RFPL4B: variants seen among roughly 807,000 people sequenced by gnomAD.
RFPL4B encodes the protein ret finger protein like 4B, also known as ret finger protein-like 4B.
For synonymous variants in RFPL4B, 118 were observed against 126.3 expected, an observed-to-expected ratio of 0.93 and a Z score of 0.44; for missense variants, 314 against 327.7, an observed-to-expected ratio of 0.96 and a Z score of 0.32.
chr6:112,348,856 A>T (rs1468414172), intron 1 of RFPL4B, among the ~76,000 whole-genome samples: 2 of 152,214 alleles, frequency 1.3e-5, no homozygotes, highest in Admixed American at 1.3e-4. Context: ...ACAGGAGGGC[A>T]TCTTCCTTGT....
chr6:112,348,026 C>CT (rs902595493), intron 1 of RFPL4B, among the ~76,000 whole-genome samples: 52 of 152,004 alleles, frequency 3.4e-4, no homozygotes, highest in African/African-American at 9.6e-4. Flanking sequence ...TACTTGGCCA[C>CT]TTTTAGTAGT....
At chr6:112,348,488 C>G (rs1466716817) in intron 1 of RFPL4B, among the ~76,000 whole-genome samples, 1 of 152,202 alleles carries the variant, frequency 6.6e-6, no homozygotes, top group Non-Finnish European at 1.5e-5. Context: ...GTAACTCAGT[C>G]TTAGGCTGGC....
chr6:112,348,700 C>G (rs1009166941), intron 1 of RFPL4B, among the ~76,000 whole-genome samples: 1 of 152,172 alleles, frequency 6.6e-6, no homozygotes, highest in Non-Finnish European at 1.5e-5. Context: ...TCCAGCTTTG[C>G]GAGGCTGTCT....
rs1211318431 is a variant in RFPL4B at position 112,350,234 on chromosome 6, C to T, written c.526C>T (p.Pro176Ser). The T allele has an allele frequency of 6.2e-7, 1 of 1,614,174 alleles. No individual in the cohort carries two copies. The highest frequency in any genetic ancestry group is 1.7e-5 in the Admixed American group (1 of 60,022). The change falls in exon 3 of 3, where the codon CCT becomes TCT. Residue 176 changes from proline to serine, a missense_variant. Pro to Ser is a moderately conservative substitution (Grantham distance 74, BLOSUM62 -1). Transcript: ENST00000441065. The part of the protein sequence containing the change: ...PADRKSNDLF[P>S]EHGFWISMKA... ...TGACAGAAAGAGCAATGATTTATTC[C>T]CTGAGCATGGCTTCTGGATCAGCAT...
chr6:112,350,536 G>A lies in RFPL4B; in HGVS notation c.*36G>A, dbSNP rs766658762. The A allele has an allele frequency of 1.3e-6, 2 of 1,516,624 alleles. No individual in the cohort carries two copies. The highest frequency in any genetic ancestry group is 1.8e-6 in the Non-Finnish European group (2 of 1,128,952). The allele number at this position is 1,516,624 out of a possible 1,614,324, so 93.9% of individuals were successfully genotyped here. A position where few individuals can be genotyped will look rare whatever the true frequency, so the allele number is the denominator to read the frequency against. ...CCTTCCTAGAAGCTTTCTGAGAGGT[G>A]AAAGAGAATTTTGGCCTGAGAAAGG... On this transcript the variant is annotated 3_prime_UTR_variant, in exon 3 of 3. Coordinates refer to ENST00000441065, the MANE Select transcript of RFPL4B (RefSeq NM_001013734.3).
At position 112,351,131 on chromosome 6, in the gene RFPL4B, G is replaced by A. The variant is rs1789149751; in HGVS notation, c.*631G>A. ...TGTTAATGGTGATTCATATTCTTATGGGAAGTGTCATTTACCCATCTCAAT... is the reference window on the plus strand; with the variant it reads ...TGTTAATGGTGATTCATATTCTTATAGGAAGTGTCATTTACCCATCTCAAT... On this transcript the variant is annotated 3_prime_UTR_variant, in exon 3 of 3. Transcript: ENST00000441065. 1 of 166,992 alleles carries A rather than the reference G, an allele frequency of 6.0e-6. No homozygotes were observed. The highest frequency in any genetic ancestry group is 2.1e-4 in the South Asian group (1 of 4,828). 10.3% of individuals were successfully genotyped at this position (166,992 alleles called of 1,614,324 possible). A position where few individuals can be genotyped will look rare whatever the true frequency, so the allele number is the denominator to read the frequency against.
chr6:112,349,486 T>C (rs542989987), intron 2 of RFPL4B, 118 bp from the exon 3 acceptor site: 24 of 167,340 alleles, frequency 1.4e-4, no homozygotes, highest in Admixed American at 2.5e-4. Flanking sequence ...AAATATTATT[T>C]TTTTGTTATT....
At chr6:112,348,876 C>CT (rs1396122187) in intron 1 of RFPL4B, among the ~76,000 whole-genome samples, 1 of 152,162 alleles carries the variant, frequency 6.6e-6, no homozygotes, top group African/African-American at 2.4e-5. Flanking sequence ...TCTGGAACAT[C>CT]TTTTTGGTTT....
chr6:112,349,730 GAGTTGTCCTGTCC>G lies in RFPL4B; in HGVS notation c.27_39del (p.Leu9PhefsTer28). On this transcript the variant is annotated frameshift_variant, in exon 3 of 3. Coordinates refer to ENST00000441065, the MANE Select transcript of RFPL4B (RefSeq NM_001013734.3). LOFTEE classifies it low-confidence loss of function (END_TRUNC). ...AACCATGGCCAAACGCCTGCAAGCA[GAGTTGTCCTGTCC>G]AGTTTGCCTGGATTTTTTCTCCTGT... 6.2e-7 allele frequency: 1 copy of G among 1,614,046 alleles called. No individual in the cohort carries two copies.
rs1562146801 is a variant in RFPL4B at position 112,350,372 on chromosome 6, G to GAT, written c.665_666dup (p.Val223MetfsTer38). 12 of 1,614,164 alleles carry GAT rather than the reference G, an allele frequency of 7.4e-6. No homozygotes were observed. The highest frequency in any genetic ancestry group is 1.0e-5 in the Non-Finnish European group (12 of 1,180,032). On this transcript the variant is annotated frameshift_variant, in exon 3 of 3. Coordinates refer to ENST00000441065, the MANE Select transcript of RFPL4B (RefSeq NM_001013734.3). LOFTEE classifies it low-confidence loss of function (END_TRUNC). ...TGACTTAGAAGAAATCCAGTTTTTT[G>GAT]ATGTTGACAATAATGTCCTCATCTA...
chr6:112,350,016 C>A lies in RFPL4B; in HGVS notation c.308C>A (p.Thr103Asn), dbSNP rs1789132443. The stretch of plus-strand genomic sequence containing the variant: ...GAGGATGTGACCCTGGATGCAGCCA[C>A]TGCCAGCTCCCTCCTTGTCTTCTCC... ...FREDVTLDAA[T>N]ASSLLVFSND... The change falls in exon 3 of 3, where the codon ACT becomes AAT. Residue 103 changes from threonine (T) to asparagine (N), a missense_variant. By Grantham distance (65) the Thr-to-Asn change is moderately conservative (BLOSUM62 0). Transcript: ENST00000441065. The A allele has an allele frequency of 6.2e-7, 1 of 1,614,210 alleles. No homozygotes were observed. The highest frequency in any genetic ancestry group is 8.5e-7 in the Non-Finnish European group (1 of 1,180,034).
chr6:112,349,928 A>G lies in RFPL4B; in HGVS notation c.220A>G (p.Lys74Glu), dbSNP rs1789130069. Residue 74 changes from lysine (K) to glutamate (E), a missense_variant, in exon 3 of 3, where the codon AAG (lysine) becomes GAG (glutamate). Physicochemically the swap from Lys to Glu is moderately conservative, Grantham distance 56. Coordinates refer to ENST00000441065, the MANE Select transcript of RFPL4B (RefSeq NM_001013734.3). ...AGTGAGCGTCCTAACACTTATGACC[A>G]AGCAGCACAATAGCCGACTTGAGCA... ...WQVSVLTLMT[K>E]QHNSRLEQSL... 3 of 1,614,112 alleles carry G rather than the reference A, an allele frequency of 1.9e-6. No individual in the cohort carries two copies. The highest frequency in any genetic ancestry group is 2.5e-6 in the Non-Finnish European group (3 of 1,180,052).
At position 112,349,811 on chromosome 6, in the gene RFPL4B, A is replaced by G. The variant is rs774301960; in HGVS notation, c.103A>G (p.Ile35Val). ...SCTHVFCFDC[I>V]QRYILENHDF... is the part of the protein sequence containing the mutation. ...TACACACGTGTTCTGCTTTGATTGCATCCAGAGGTATATACTAGAAAACCA... is the reference window on the plus strand; with the variant it reads ...TACACACGTGTTCTGCTTTGATTGCGTCCAGAGGTATATACTAGAAAACCA... The change falls in exon 3 of 3, where the codon ATC (isoleucine) becomes GTC (valine). Residue 35 changes from isoleucine to valine, a missense_variant. Ile to Val is a conservative substitution (Grantham distance 29). Transcript: ENST00000441065. 1.9e-6 allele frequency: 3 copies of G among 1,614,070 alleles called. No individual in the cohort carries two copies. The highest frequency in any genetic ancestry group is 1.7e-6 in the Non-Finnish European group (2 of 1,180,002).
Position 112,350,622 on chromosome 6 carries a change from T to C in RFPL4B, c.*122T>C. ...GCAAAGACTTGGTAAATTTTTAAAG[T>C]AGATTTTGTAGACTTTGTAGCAAAA... On this transcript the variant is annotated 3_prime_UTR_variant, in exon 3 of 3. Transcript: ENST00000441065. 1.3e-6 allele frequency: 1 copy of C among 770,306 alleles called. No homozygotes were observed. The highest frequency in any genetic ancestry group is 2.0e-6 in the Non-Finnish European group (1 of 499,240). The allele number at this position is 770,306 out of a possible 1,614,324, so 47.7% of individuals were successfully genotyped here.
Position 112,349,738 on chromosome 6 carries a change from C to G in RFPL4B, c.30C>G (p.Ser10=). 6.2e-7 allele frequency: 1 copy of G among 1,614,092 alleles called. No individual in the cohort carries two copies. The highest frequency in any genetic ancestry group is 8.5e-7 in the Non-Finnish European group (1 of 1,180,006). Residue 10 remains serine, a synonymous_variant, in exon 3 of 3, where the codon TCC becomes TCG. Transcript: ENST00000441065. MAKRLQAEL[S]CPVCLDFFSC... is the part of the protein sequence containing the mutation. ...CCAAACGCCTGCAAGCAGAGTTGTC[C>G]TGTCCAGTTTGCCTGGATTTTTTCT...
At position 112,350,651 on chromosome 6, in the gene RFPL4B, T is replaced by C; in HGVS notation, c.*151T>C. Reference sequence around the variant, plus strand: ...TTTTGTAGACTTTGTAGCAAAACAATTTTCGGATTTTTGGGGTAAATTTTG... The same window carrying C: ...TTTTGTAGACTTTGTAGCAAAACAACTTTCGGATTTTTGGGGTAAATTTTG... On this transcript the variant is annotated 3_prime_UTR_variant, in exon 3 of 3. Coordinates refer to ENST00000441065, the MANE Select transcript of RFPL4B (RefSeq NM_001013734.3). 1.5e-6 allele frequency: 1 copy of C among 645,210 alleles called. No homozygotes were observed. Among genetic ancestry groups the C allele is most frequent in the Non-Finnish European group, 2.5e-6 (1 of 398,510 alleles). The allele number at this position is 645,210 out of a possible 1,614,324, so 40.0% of individuals were successfully genotyped here.
At chr6:112,347,728 CG>C in intron 1 of RFPL4B, among the ~76,000 whole-genome samples, 1 of 152,360 alleles carries the variant, frequency 6.6e-6, no homozygotes, top group East Asian at 1.9e-4. Context: ...CCATGGTTCG[CG>C]CCTGCGCTTT....
chr6:112,347,605 C>T (rs1046963032), intron 1 of RFPL4B, among the ~76,000 whole-genome samples, 198 bp downstream of exon 1: 3 of 152,224 alleles, frequency 2.0e-5, no homozygotes, highest in African/African-American at 7.2e-5. Context: ...TCACTCTTTG[C>T]ATGAACTTGT....
chr6:112,348,213 A>ATTAACATTTAATGG (rs1789107572), intron 1 of RFPL4B, among the ~76,000 whole-genome samples: 1 of 152,204 alleles, frequency 6.6e-6, no homozygotes, highest in Non-Finnish European at 1.5e-5. Flanking sequence ...TTAGATTTCC[A>ATTAACATTTAATGG]GCACCATGTT....
Sources: gnomAD v4.1 joint callset for allele counts (sites outside exome capture counted in the v4.1 genomes callset) on GRCh38, gnomAD v4.1.1 for gene constraint, MANE v1.5 for transcripts, NCBI Gene and HGNC (gene_info 2026-07-23, HGNC 2026-07-21) for gene names.